The following CHST9 variants were observed in gnomAD, a reference collection of about 807,000 sequenced individuals.
CHST9 encodes the protein GalNAc-4-sulfotransferase 2.
Under a neutral mutation model 44.4 loss-of-function variants are expected in CHST9, and 41 were observed. The observed-to-expected ratio is 0.92, with a 90% confidence interval of 0.72 to 1.20. CHST9 has a LOEUF of 1.20. Among genes scored for constraint, CHST9 ranks in the 50% most tolerant of loss-of-function variants. The pLI, the probability that CHST9 is intolerant of heterozygous loss-of-function variation, is 0.00. For synonymous variants in CHST9, 171 were observed against 178.4 expected, an observed-to-expected ratio of 0.96 and a Z score of 0.33; for missense variants, 504 against 516.5, an observed-to-expected ratio of 0.98 and a Z score of 0.23.
chr18:26,996,008 G>A (rs533348135), intron 4 of CHST9, among the ~76,000 whole-genome samples: 45 of 152,292 alleles, frequency 3.0e-4, no homozygotes, highest in African/African-American at 9.1e-4. Context: ...TGAAATGCCC[G>A]TCTGGATGAT....
At chr18:27,071,277 T>C (rs140186732) in intron 2 of CHST9, among the ~76,000 whole-genome samples, 2,290 of 152,302 alleles carry the variant, frequency 0.015, 34 homozygotes, top group South Asian at 0.033. Flanking sequence ...TACACATCAG[T>C]ATTTCATTCA....
chr18:27,025,952 A>C (rs1015117084), intron 3 of CHST9, among the ~76,000 whole-genome samples: 1 of 152,132 alleles, frequency 6.6e-6, no homozygotes, highest in Admixed American at 6.5e-5. Flanking sequence ...GTGTGGAAAA[A>C]CTGGTTATTC....
Position 27,069,479 on chromosome 18 carries a change from T to C in CHST9, c.122-20976A>G, listed in dbSNP as rs191178128. Among the ~76,000 whole-genome samples, 1,327 of 152,270 alleles carry C rather than the reference T, an allele frequency of 8.7e-3. 21 individuals are homozygous for C. Among genetic ancestry groups the C allele is most frequent in the African/African-American group, 0.029 (1,192 of 41,554 alleles). Reference sequence around the variant, plus strand: ...GTATGACTGAAAAAAATCAGAATGATAGAAAATGTTCCCAAAAAGCCAGTC... The same window carrying C: ...GTATGACTGAAAAAAATCAGAATGACAGAAAATGTTCCCAAAAAGCCAGTC... On this transcript the variant is annotated intron_variant, in intron 2 of 5. Coordinates refer to ENST00000618847, the MANE Select transcript of CHST9 (RefSeq NM_031422.6).
chr18:26,952,837 G>A (rs2056269441), intron 4 of CHST9, among the ~76,000 whole-genome samples: 1 of 152,196 alleles, frequency 6.6e-6, no homozygotes, highest in African/African-American at 2.4e-5. Context: ...AGGTGGCAGA[G>A]AGAAATAAGT....
intron 4 of CHST9, chr18:26,952,346 G>A (rs2056261157): frequency 2.0e-6 from 1 of 497,460 alleles, no homozygotes; most frequent in African/African-American, 1.9e-5. Context: ...CCTCAGGCAG[G>A]TAGGACTCCT....
At chr18:26,975,725 GTATATATA>G (rs59671204) in intron 4 of CHST9, among the ~76,000 whole-genome samples, 15,027 of 101,684 alleles carry the variant, frequency 0.15, 1,225 homozygotes, top group East Asian at 0.25. Flanking sequence ...GTGTGTGTGT[GTATATATA>G]TATATATATA....
intron 3 of CHST9, among the ~76,000 whole-genome samples, chr18:27,045,488 C>G (rs192594894): frequency 6.6e-6 from 1 of 151,978 alleles, no homozygotes; most frequent in East Asian, 1.9e-4. Context: ...AATAGCTGAT[C>G]TTTTTAAAAA....
Position 27,169,767 on chromosome 18 carries a change from G to A in CHST9, c.-97+15369C>T, listed in dbSNP as rs75920001. ...GACTACAGGCACCCACCACCATGCC[G>A]GCTAATTTTTTTTGTACTTTTAGTA... On this transcript the variant is annotated intron_variant, in intron 1 of 5. Coordinates refer to ENST00000618847, the MANE Select transcript of CHST9 (RefSeq NM_031422.6). 3.7e-3 allele frequency among the ~76,000 whole-genome samples: 567 copies of A among 151,662 alleles called. 2 individuals carry two copies. The highest frequency in any genetic ancestry group is 6.6e-3 in the Non-Finnish European group (449 of 67,886).
intron 2 of CHST9, among the ~76,000 whole-genome samples, chr18:27,140,688 C>T (rs921196339): frequency 2.0e-5 from 3 of 152,128 alleles, no homozygotes; most frequent in African/African-American, 7.2e-5. Context: ...TTCATTCATT[C>T]ATTCATTCAA....
At chr18:27,088,391 T>G (rs1411828963) in intron 2 of CHST9, among the ~76,000 whole-genome samples, 1 of 146,374 alleles carries the variant, frequency 6.8e-6, no homozygotes, top group South Asian at 2.1e-4. Flanking sequence ...TATTAACACT[T>G]TTTTTTTTTT....
chr18:27,112,719 C>T (rs1170398717), intron 2 of CHST9, among the ~76,000 whole-genome samples: 1 of 151,348 alleles, frequency 6.6e-6, no homozygotes, highest in Non-Finnish European at 1.5e-5. Flanking sequence ...AATAAAACCA[C>T]CTATATTTTG....
chr18:27,136,211 G>C (rs1213499614), intron 2 of CHST9, among the ~76,000 whole-genome samples: 1 of 152,194 alleles, frequency 6.6e-6, no homozygotes, highest in Admixed American at 6.5e-5. Context: ...GGGCAAGAAA[G>C]GGAGATACCA....
intron 4 of CHST9, among the ~76,000 whole-genome samples, chr18:26,972,357 C>T (rs1193515267): frequency 1.5e-5 from 1 of 65,248 alleles, no homozygotes; most frequent in Non-Finnish European, 2.8e-5. Context: ...ACTCCAACTC[C>T]AAAAAAAAAA....
chr18:26,973,516 C>A (rs1786631), intron 4 of CHST9, among the ~76,000 whole-genome samples: 51,658 of 152,186 alleles, frequency 0.34, 9,505 homozygotes, highest in East Asian at 0.47. Flanking sequence ...AGGCGGCATG[C>A]GGCCCAGAAT....
intron 5 of CHST9, chr18:26,935,708 A>T (rs1216481999): frequency 6.6e-6 from 1 of 152,170 alleles, no homozygotes; most frequent in Non-Finnish European, 1.5e-5. Flanking sequence ...AATCTTGTTT[A>T]TTCCATCCTT....
At chr18:27,146,584 G>A (rs1342775394) in intron 1 of CHST9, among the ~76,000 whole-genome samples, 3 of 152,160 alleles carry the variant, frequency 2.0e-5, no homozygotes, top group Non-Finnish European at 2.9e-5. Context: ...CTTTATGTAC[G>A]AGCATTATAC....
intron 2 of CHST9, among the ~76,000 whole-genome samples, chr18:27,091,859 T>C (rs1363965804): frequency 1.3e-5 from 2 of 152,230 alleles, no homozygotes; most frequent in Non-Finnish European, 2.9e-5. Context: ...AGTATTTTAT[T>C]GAGGATTTTC....
At chr18:26,975,490 C>T (rs1257783890) in intron 4 of CHST9, among the ~76,000 whole-genome samples, 5 of 151,778 alleles carry the variant, frequency 3.3e-5, no homozygotes, top group Admixed American at 1.3e-4. Flanking sequence ...CATGTGCACA[C>T]ATTATTTAGC....
Position 26,913,120 on chromosome 18 carries a change from C to G in CHST9, c.*3139G>C, listed in dbSNP as rs2055464292. ...AAAGGGCACTCTAATATTCAAAATT[C>G]TCTGCATCTTCTTATATATACCTTC... On this transcript the variant is annotated 3_prime_UTR_variant, in exon 6 of 6. Transcript: ENST00000618847. 1.3e-5 allele frequency: 2 copies of G among 152,150 alleles called. No homozygotes were observed. The highest frequency in any genetic ancestry group is 2.9e-5 in the Non-Finnish European group (2 of 68,034). 9.4% of individuals were successfully genotyped at this position (152,150 alleles called of 1,614,324 possible).
Sources: allele counts gnomAD v4.1 joint callset (sites outside exome capture counted in the v4.1 genomes callset), GRCh38; gene constraint gnomAD v4.1.1; transcripts MANE v1.5; gene names NCBI Gene and HGNC (gene_info 2026-07-23, HGNC 2026-07-21).